DOCK1: variants seen among roughly 807,000 people sequenced by gnomAD.
The protein encoded by DOCK1 is dedicator of cytokinesis 1.
Under a neutral mutation model 262.7 loss-of-function variants are expected in DOCK1, and 138 were observed. That is an observed-to-expected ratio of 0.53 (90% confidence interval 0.46 to 0.61). The LOEUF (loss-of-function observed/expected upper bound fraction) is 0.61. Ranked by LOEUF, DOCK1 falls within the 20% of genes least tolerant of loss-of-function variation. The probability of loss-of-function intolerance (pLI) is 0.00; values close to 1 mark genes in which losing one functional copy is unlikely to be tolerated. For synonymous variants in DOCK1, 866 were observed against 867.4 expected (o/e 1.00, Z 0.03); for missense variants, 1,908 against 2,370.7 (o/e 0.80, Z 4.05).
At chr10:127,131,960 G>T (rs2050352833) in intron 27 of DOCK1, among the ~76,000 whole-genome samples, 1 of 152,170 alleles carries the variant, frequency 6.6e-6, no homozygotes, top group South Asian at 2.1e-4. Flanking sequence ...TGATTAAAAA[G>T]AACTCTGAAA....
rs1336092602 is a variant in DOCK1 at position 126,951,141 on chromosome 10, GGTT to G, written c.47-19556_47-19554del. Among the ~76,000 whole-genome samples the G allele has an allele frequency of 1.1e-3, 161 of 151,568 alleles. 2 individuals carry two copies. Among genetic ancestry groups the G allele is most frequent in the Non-Finnish European group, 1.8e-3 (123 of 67,862 alleles). ...GTAGTATTGTTGGTAGTGTTAGCAT[GGTT>G]GTTGGTGGTAGTATTACTGGTAGTA... On this transcript the variant is annotated intron_variant, in intron 1 of 51. Coordinates refer to ENST00000623213, the MANE Select transcript of DOCK1 (RefSeq NM_001290223.2).
chr10:127,196,299 G>A (rs1006685958), intron 27 of DOCK1: 6 of 148,932 alleles, frequency 4.0e-5, no homozygotes, highest in African/African-American at 1.5e-4. Flanking sequence ...GCAGCGGCTG[G>A]GCCAGCTCCG....
chr10:127,018,761 A>G lies in DOCK1; in HGVS notation c.1253A>G (p.Lys418Arg), dbSNP rs1374460922. ...CCTGGAGATATCCATCAGATCCGAAAAGAGTTTCCGCATTTAGTGGACAGG... is the reference window on the plus strand; with the variant it reads ...CCTGGAGATATCCATCAGATCCGAAGAGAGTTTCCGCATTTAGTGGACAGG... ...LLPGDIHQIR[K>R]EFPHLVDRTT... Residue 418 changes from lysine (K) to arginine (R), a missense_variant, in exon 13 of 52, where the codon AAA becomes AGA. Physicochemically the swap from Lys to Arg is conservative, Grantham distance 26 (BLOSUM62 2). Transcript: ENST00000623213. 6.2e-7 allele frequency: 1 copy of G among 1,613,900 alleles called. No homozygotes were observed. Among genetic ancestry groups the G allele is most frequent in the African/African-American group, 1.3e-5 (1 of 74,932 alleles).
chr10:127,315,856 G>A (rs966554347), intron 29 of DOCK1, among the ~76,000 whole-genome samples: 15 of 151,988 alleles, frequency 9.9e-5, no homozygotes, highest in African/African-American at 3.1e-4. Context: ...CTGCCCCCAT[G>A]CCGGGCCAAT....
At chr10:127,412,183 C>T (rs1158359494) in intron 43 of DOCK1, among the ~76,000 whole-genome samples, 1 of 151,960 alleles carries the variant, frequency 6.6e-6, no homozygotes, top group Non-Finnish European at 1.5e-5. Flanking sequence ...AGAATGGTCT[C>T]GATCTCCTGA....
chr10:127,024,648 G>A, intron 14 of DOCK1, 37 bp from the exon 15 acceptor site: 1 of 1,559,222 alleles, frequency 6.4e-7, no homozygotes, highest in Non-Finnish European at 8.7e-7. Flanking sequence ...CAAGCTCTAT[G>A]AGGTCTTACG....
chr10:127,190,664 T>TCCCCCCCCCCCCCCCCCC (rs1491352928), intron 27 of DOCK1, among the ~76,000 whole-genome samples: 1 of 15,232 alleles, frequency 6.6e-5, no homozygotes, highest in African/African-American at 4.1e-4. Flanking sequence ...AAATCCTATC[T>TCCCCCCCCCCCCCCCCCC]TCCCCCCCCC....
In DOCK1 at chr10:127,044,657, A is replaced by AAGAACTCTTCTC. The variant is rs554750833; in HGVS notation, c.2201+1497_2201+1508dup. ...CTGCCTTTTGATTGAAATGTGGCCA[A>AAGAACTCTTCTC]AGAACTCTTCTCAGATTAGGCTCCG... On this transcript the variant is annotated intron_variant, in intron 21 of 51. Transcript: ENST00000623213. Among the ~76,000 whole-genome samples, 15 of 152,242 alleles carry AAGAACTCTTCTC rather than the reference A, an allele frequency of 9.9e-5. No homozygotes were observed. The South Asian group carries it at 2.9e-3, about 30-fold the overall frequency.
chr10:127,363,325 C>T (rs906016883), intron 33 of DOCK1, among the ~76,000 whole-genome samples: 1 of 152,128 alleles, frequency 6.6e-6, no homozygotes, highest in Non-Finnish European at 1.5e-5. Context: ...GCCTGGGAAA[C>T]ATGGTGAGAC....
At chr10:127,060,957 G>T (rs1312971562) in intron 22 of DOCK1, among the ~76,000 whole-genome samples, 1 of 152,198 alleles carries the variant, frequency 6.6e-6, no homozygotes, top group Non-Finnish European at 1.5e-5. Context: ...GTGGCCGCCT[G>T]GCGGCTCACG....
intron 21 of DOCK1, among the ~76,000 whole-genome samples, chr10:127,051,840 C>T (rs1447355957): frequency 2.6e-5 from 4 of 152,252 alleles, no homozygotes; most frequent in South Asian, 2.1e-4. Context: ...GCCTTGGCCT[C>T]CCAAAGTGCT....
At chr10:127,035,214 A>G (rs138683498) in intron 18 of DOCK1, among the ~76,000 whole-genome samples, 1 of 152,140 alleles carries the variant, frequency 6.6e-6, no homozygotes, top group African/African-American at 2.4e-5. Context: ...TGAAACCATG[A>G]TTTGTTCCTG....
At chr10:126,962,058 T>C (rs1271745862) in intron 1 of DOCK1, among the ~76,000 whole-genome samples, 1 of 152,082 alleles carries the variant, frequency 6.6e-6, no homozygotes, top group Non-Finnish European at 1.5e-5. Context: ...GGTGCAGTGG[T>C]GCGCTCTCGG....
intron 27 of DOCK1, among the ~76,000 whole-genome samples, chr10:127,242,293 T>C (rs1273997008): frequency 1.3e-5 from 2 of 152,252 alleles, no homozygotes; most frequent in African/African-American, 4.8e-5. Context: ...GTGCAGACTT[T>C]GCAGGAGTTT....
intron 40 of DOCK1, among the ~76,000 whole-genome samples, chr10:127,408,153 C>T (rs1331056355): frequency 6.6e-6 from 1 of 152,186 alleles, no homozygotes; most frequent in African/African-American, 2.4e-5. Context: ...CTCAACAAGA[C>T]AGCCTCGTGG....
At chr10:127,130,675 A>G (rs1592140703) in intron 27 of DOCK1, among the ~76,000 whole-genome samples, 1 of 152,322 alleles carries the variant, frequency 6.6e-6, no homozygotes, top group African/African-American at 2.4e-5. Flanking sequence ...TTCACTGAGC[A>G]TGCATTTACG....
At chr10:127,093,105 C>T (rs1408611605) in intron 23 of DOCK1, among the ~76,000 whole-genome samples, 1 of 152,060 alleles carries the variant, frequency 6.6e-6, no homozygotes, top group East Asian at 1.9e-4. Context: ...GCTGGCAGTC[C>T]TCGATGTGCT....
intron 29 of DOCK1, among the ~76,000 whole-genome samples, chr10:127,307,894 C>T (rs2061933065): frequency 6.6e-6 from 1 of 152,250 alleles, no homozygotes; most frequent in African/African-American, 2.4e-5. Flanking sequence ...TGTCACAATG[C>T]AGAGAATGAG....
At chr10:127,308,828 G>GTC (rs2061965740) in intron 29 of DOCK1, among the ~76,000 whole-genome samples, 1 of 152,088 alleles carries the variant, frequency 6.6e-6, no homozygotes, top group African/African-American at 2.4e-5. Flanking sequence ...TCTTTATTCA[G>GTC]TCTATCATTG....
Sources: allele counts gnomAD v4.1 joint callset (sites outside exome capture counted in the v4.1 genomes callset), GRCh38; gene constraint gnomAD v4.1.1; transcripts MANE v1.5; gene names NCBI Gene and HGNC (gene_info 2026-07-23, HGNC 2026-07-21).